Variants in CREG1 observed in about 807,000 individuals in gnomAD.
The protein encoded by CREG1 is cellular repressor of E1A stimulated genes 1.
In CREG1, 20 loss-of-function variants were observed where a neutral mutation model predicts 19.9. The observed-to-expected ratio is 1.01, with a 90% CI of 0.71 to 1.46. The LOEUF is 1.46. Among genes scored for constraint, CREG1 ranks in the 40% most tolerant of loss-of-function variants. The probability of loss-of-function intolerance (pLI) is 0.00; values close to 1 mark genes in which losing one functional copy is unlikely to be tolerated. For synonymous variants in CREG1, 141 were observed against 143.3 expected (o/e 0.98, Z 0.12); for missense variants, 290 against 314.9 (o/e 0.92, Z 0.60).
At chr1:167,549,931 C>T (rs74868127) in intron 1 of CREG1, among the ~76,000 whole-genome samples, 1 of 152,178 alleles carries the variant, frequency 6.6e-6, no homozygotes, top group East Asian at 1.9e-4. Flanking sequence ...AAGTGATCCT[C>T]CCACCTCGGC....
intron 2 of CREG1, among the ~76,000 whole-genome samples, chr1:167,547,187 C>G (rs936419939): frequency 1.3e-5 from 2 of 152,228 alleles, no homozygotes; most frequent in Non-Finnish European, 2.9e-5. Context: ...TGACACCATG[C>G]CCACTGCTCT....
chr1:167,543,324 T>C (rs530495465), intron 3 of CREG1, among the ~76,000 whole-genome samples: 16 of 152,124 alleles, frequency 1.1e-4, no homozygotes, highest in Non-Finnish European at 2.1e-4. Flanking sequence ...CCACTGATCA[T>C]GCAAACATGC....
At chr1:167,551,128 G>C (rs1208936047) in intron 1 of CREG1, among the ~76,000 whole-genome samples, 3 of 152,144 alleles carry the variant, frequency 2.0e-5, no homozygotes, top group African/African-American at 7.2e-5. Flanking sequence ...ATACAAAAAT[G>C]CCACAAAGAA....
intron 2 of CREG1, among the ~76,000 whole-genome samples, chr1:167,547,723 C>G (rs964272115): frequency 6.6e-6 from 1 of 152,052 alleles, no homozygotes; most frequent in African/African-American, 2.4e-5. Flanking sequence ...GAGTTCAAGA[C>G]CAGCCTGGCC....
rs41270714 is a variant in CREG1, at chr1:167,542,070, A to G, written c.*228T>C. The G allele has an allele frequency of 4.7e-6, 2 of 429,780 alleles. No individual in the cohort carries two copies. The highest frequency in any genetic ancestry group is 8.3e-6 in the Non-Finnish European group (2 of 239,950). The allele number at this position is 429,780 out of a possible 1,614,324, so 26.6% of individuals were successfully genotyped here. On this transcript the variant is annotated 3_prime_UTR_variant, in exon 4 of 4. Transcript: ENST00000370509. ...TAGTGAAGGATATTTCTCTACGAAA[A>G]TGGCTTCAAAATAGGAAAAAAGTAG...
intron 1 of CREG1, among the ~76,000 whole-genome samples, chr1:167,550,832 A>T (rs1656411181): frequency 6.6e-6 from 1 of 152,178 alleles, no homozygotes; most frequent in Non-Finnish European, 1.5e-5. Context: ...GTATACAACG[A>T]GAGTGTATAC....
intron 2 of CREG1, among the ~76,000 whole-genome samples, chr1:167,546,840 T>C (rs1052704895): frequency 6.6e-6 from 1 of 152,248 alleles, no homozygotes; most frequent in Admixed American, 6.5e-5. Context: ...CAACTTTCAT[T>C]GGTAAAAAGG....
rs2102153845 is a variant in CREG1 at position 167,553,359 on chromosome 1, G to T, written c.354+29C>A. Reference sequence around the variant, plus strand: ...TCTGTGGCCGCCCCGCCCACAGCCCGCCTGGGGAAGCCGCGGGCCCCAGCT... The same window carrying T: ...TCTGTGGCCGCCCCGCCCACAGCCCTCCTGGGGAAGCCGCGGGCCCCAGCT... On this transcript the variant is annotated intron_variant, in intron 1 of 3. Coordinates refer to ENST00000370509, the MANE Select transcript of CREG1 (RefSeq NM_003851.3). 3.0e-6 allele frequency: 4 copies of T among 1,342,882 alleles called. No homozygotes were observed. In the South Asian group the frequency reaches 5.2e-5, roughly 18 times the overall value. The allele number at this position is 1,342,882 out of a possible 1,614,324, so 83.2% of individuals were successfully genotyped here.
At position 167,544,359 on chromosome 1, in the gene CREG1, T is replaced by A. The variant is rs114669626; in HGVS notation, c.659+1742A>T. Among the ~76,000 whole-genome samples the A allele has an allele frequency of 2.5e-3, 335 of 131,500 alleles. 2 individuals are homozygous for A. The highest frequency in any genetic ancestry group is 8.4e-3 in the African/African-American group (323 of 38,488). 86.3% of individuals were successfully genotyped at this position (131,500 alleles called of 152,430 possible). A position where few individuals can be genotyped will look rare whatever the true frequency, so the allele number is the denominator to read the frequency against. ...AAAACAAAACTGAGATTTCCAATCA[T>A]GGTAGGGAGTCAATAGTTCAACACG... On this transcript the variant is annotated intron_variant, in intron 3 of 3. Coordinates refer to ENST00000370509, the MANE Select transcript of CREG1 (RefSeq NM_003851.3).
intron 1 of CREG1, among the ~76,000 whole-genome samples, chr1:167,550,590 T>A (rs1176773657): frequency 6.6e-6 from 1 of 152,124 alleles, no homozygotes; most frequent in African/African-American, 2.4e-5. Flanking sequence ...GGGGAGGCAG[T>A]GAGAACCAAC....
chr1:167,545,762 T>C (rs1007113447), intron 3 of CREG1, among the ~76,000 whole-genome samples: 1 of 151,980 alleles, frequency 6.6e-6, no homozygotes, highest in African/African-American at 2.4e-5. Context: ...GCTGAGATGG[T>C]GCCACTGCAC....
intron 3 of CREG1, among the ~76,000 whole-genome samples, chr1:167,545,669 G>A (rs1656304939): frequency 6.6e-6 from 1 of 152,010 alleles, no homozygotes; most frequent in Non-Finnish European, 1.5e-5. Flanking sequence ...GCTGGGTGTG[G>A]TGGTCTATGC....
chr1:167,542,976 G>C (rs575548508), intron 3 of CREG1, among the ~76,000 whole-genome samples: 3 of 152,230 alleles, frequency 2.0e-5, no homozygotes, highest in East Asian at 3.9e-4. Context: ...GGGCGGGCGC[G>C]GTGGCTCACA....
chr1:167,550,670 G>A (rs1411051995), intron 1 of CREG1, among the ~76,000 whole-genome samples: 1 of 152,120 alleles, frequency 6.6e-6, no homozygotes, highest in African/African-American at 2.4e-5. Context: ...TGTTTCAGGA[G>A]GAAGAAGGAC....
chr1:167,542,735 A>T (rs1656247608), intron 3 of CREG1, among the ~76,000 whole-genome samples: 1 of 152,244 alleles, frequency 6.6e-6, no homozygotes, highest in Non-Finnish European at 1.5e-5. Flanking sequence ...GATAGTGACC[A>T]CAGCTGGGAG....
At chr1:167,542,394 C>T (rs1016250633) in intron 3 of CREG1, 93 bp from the exon 4 acceptor site, 52 of 1,232,778 alleles carry the variant, frequency 4.2e-5, no homozygotes, top group Non-Finnish European at 5.8e-5. Context: ...GATAAAATTT[C>T]TGATCTAAAT....
In CREG1 at chr1:167,548,001, C is replaced by G. The variant is rs1014365545; in HGVS notation, c.474+1G>C. ...TCCCTTCCTGTAGGATAACTACTTA[C>G]CTTGGTCACAGTTCCTGACAGCATT... On this transcript the variant is annotated splice_donor_variant, in intron 2 of 3. Coordinates refer to ENST00000370509, the MANE Select transcript of CREG1 (RefSeq NM_003851.3). LOFTEE classifies it high-confidence loss of function. The G allele has an allele frequency of 6.2e-6, 10 of 1,609,580 alleles. No homozygotes were observed. The highest frequency in any genetic ancestry group is 8.5e-6 in the Non-Finnish European group (10 of 1,176,272).
Position 167,541,438 on chromosome 1 carries a change from G to C in CREG1, c.*860C>G, listed in dbSNP as rs1220973663. The C allele has an allele frequency of 5.3e-5, 8 of 152,144 alleles. No individual in the cohort carries two copies. The highest frequency in any genetic ancestry group is 1.9e-4 in the African/African-American group (8 of 41,428). The allele number at this position is 152,144 out of a possible 1,614,324, so 9.4% of individuals were successfully genotyped here. On this transcript the variant is annotated 3_prime_UTR_variant, in exon 4 of 4. Transcript: ENST00000370509. ...TTTAAAAAGCTGTGGAGAGTGGTTT[G>C]GGAGGGGATTTTGTCCCTGGCTGAA...
intron 3 of CREG1, among the ~76,000 whole-genome samples, 177 bp downstream of exon 3, chr1:167,545,924 C>T (rs923989090): frequency 2.0e-5 from 3 of 151,976 alleles, no homozygotes; most frequent in African/African-American, 7.3e-5. Context: ...AGTTGATTTT[C>T]TTCTTAATCC....
Sources: allele counts gnomAD v4.1 joint callset (sites outside exome capture counted in the v4.1 genomes callset), GRCh38; gene constraint gnomAD v4.1.1; transcripts MANE v1.5; gene names NCBI Gene and HGNC (gene_info 2026-07-23, HGNC 2026-07-21).